The following SDK1 variants were observed in gnomAD, a reference collection of about 807,000 sequenced individuals.
SDK1 encodes the protein sidekick cell adhesion molecule 1.
In SDK1, 157 loss-of-function variants were observed where a neutral mutation model predicts 245.5. That is an observed-to-expected ratio of 0.64 (90% confidence interval 0.56 to 0.73). SDK1 has a LOEUF of 0.73. Ranked by LOEUF, SDK1 falls within the 30% of genes least tolerant of loss-of-function variation. The pLI is 0.00. For synonymous variants in SDK1, 1,647 were observed against 1,278.5 expected (o/e 1.29, Z -6.15); for missense variants, 3,583 against 3,002.3 (o/e 1.19, Z -4.52).
At chr7:4,094,502 C>T (rs1344367545) in intron 22 of SDK1, among the ~76,000 whole-genome samples, 4 of 152,180 alleles carry the variant, frequency 2.6e-5, no homozygotes, top group Admixed American at 2.6e-4. Flanking sequence ...GTGCTAGGCA[C>T]AGGGGCCTCT....
At chr7:3,795,774 C>T (rs776568635) in intron 4 of SDK1, among the ~76,000 whole-genome samples, 14 of 152,092 alleles carry the variant, frequency 9.2e-5, no homozygotes, top group African/African-American at 1.4e-4. Context: ...TACAGTTATA[C>T]GATAAAGTCA....
rs114353900 is a variant in SDK1, at chr7:3,395,194, T to G, written c.298+93310T>G. Among the ~76,000 whole-genome samples the G allele has an allele frequency of 4.2e-3, 639 of 152,150 alleles. 9 individuals carry two copies. The highest frequency in any genetic ancestry group is 0.014 in the African/African-American group (591 of 41,558). ...GAGACTTTTTATCTTGAATGCACATTGGATTTTGTCAAATGTTTTCTCTGT... is the reference window on the plus strand; with the variant it reads ...GAGACTTTTTATCTTGAATGCACATGGGATTTTGTCAAATGTTTTCTCTGT... On this transcript the variant is annotated intron_variant, in intron 1 of 44. Transcript: ENST00000404826.
At chr7:4,242,128 C>G (rs1583159786) in intron 43 of SDK1, among the ~76,000 whole-genome samples, 1 of 152,206 alleles carries the variant, frequency 6.6e-6, no homozygotes, top group Non-Finnish European at 1.5e-5. Context: ...TTCAGGACAT[C>G]TCCGGAGATT....
At chr7:3,416,463 C>CT (rs5881982) in intron 1 of SDK1, among the ~76,000 whole-genome samples, 2,010 of 132,346 alleles carry the variant, frequency 0.015, 37 homozygotes, top group East Asian at 0.063. Flanking sequence ...GGCTTTCGTT[C>CT]TTTTTTTTTT....
chr7:3,641,449 T>C (rs1303698323), intron 3 of SDK1, among the ~76,000 whole-genome samples: 1 of 152,108 alleles, frequency 6.6e-6, no homozygotes, highest in Non-Finnish European at 1.5e-5. Flanking sequence ...GAATAGTATA[T>C]AGACTCTTCA....
chr7:3,912,078 C>G (rs1025350785), intron 5 of SDK1, among the ~76,000 whole-genome samples: 1 of 152,164 alleles, frequency 6.6e-6, no homozygotes, highest in South Asian at 2.1e-4. Context: ...CCAAGGAAGT[C>G]TGGGAAACAA....
chr7:4,106,267 G>A (rs1378563307), intron 22 of SDK1, among the ~76,000 whole-genome samples: 3 of 151,970 alleles, frequency 2.0e-5, no homozygotes, highest in African/African-American at 7.2e-5. Context: ...GTGAAGTGGA[G>A]ATCAGCCGCC....
At chr7:4,235,532 A>T (rs879331537) in intron 41 of SDK1, among the ~76,000 whole-genome samples, 10 of 152,316 alleles carry the variant, frequency 6.6e-5, no homozygotes, top group Admixed American at 2.0e-4. Flanking sequence ...AATTTTAATT[A>T]TGAATATTTT....
chr7:3,691,720 A>G (rs1276894150), intron 4 of SDK1, among the ~76,000 whole-genome samples: 1 of 152,184 alleles, frequency 6.6e-6, no homozygotes, highest in East Asian at 1.9e-4. Context: ...GTCTAGTTTC[A>G]GGTGTGAATG....
chr7:4,245,133 G>T (rs1308586194), intron 43 of SDK1, among the ~76,000 whole-genome samples: 13 of 152,166 alleles, frequency 8.5e-5, no homozygotes, highest in East Asian at 3.9e-4. Flanking sequence ...TGATGGGGGT[G>T]GGGGCAGTGA....
chr7:3,346,135 G>T (rs1291852017), intron 1 of SDK1, among the ~76,000 whole-genome samples: 1 of 152,128 alleles, frequency 6.6e-6, no homozygotes, highest in African/African-American at 2.4e-5. Context: ...AATCTTTCAG[G>T]GAGGTTCCTA....
chr7:4,153,236 CTT>C (rs60694957), intron 30 of SDK1, among the ~76,000 whole-genome samples: 23,279 of 143,504 alleles, frequency 0.16, 1,906 homozygotes, highest in African/African-American at 0.19. Context: ...TGACTGATTT[CTT>C]TTTTTTTTTT....
chr7:3,340,346 C>T (rs760151943), intron 1 of SDK1, among the ~76,000 whole-genome samples: 1 of 152,084 alleles, frequency 6.6e-6, no homozygotes, highest in African/African-American at 2.4e-5. Context: ...TAAAAATACA[C>T]ACAGTAATTG....
rs181925121 is a variant in SDK1 at position 3,913,169 on chromosome 7, C to T, written c.848-37754C>T. ...CCCTGCCATGAAGCCTTCAGGGCATCGGTATGGAAATGCCTCCAGCTCCTG... is the reference window on the plus strand; with the variant it reads ...CCCTGCCATGAAGCCTTCAGGGCATTGGTATGGAAATGCCTCCAGCTCCTG... On this transcript the variant is annotated intron_variant, in intron 5 of 44. Coordinates refer to ENST00000404826, the MANE Select transcript of SDK1 (RefSeq NM_152744.4). Among the ~76,000 whole-genome samples the T allele has an allele frequency of 6.7e-3, 1,015 of 152,248 alleles. 7 individuals are homozygous for T. The highest frequency in any genetic ancestry group is 0.011 in the Non-Finnish European group (739 of 68,008).
In SDK1 at chr7:4,132,336, C is replaced by A; in HGVS notation, c.4141C>A (p.Pro1381Thr). 6.2e-7 allele frequency: 1 copy of A among 1,611,632 alleles called. No homozygotes were observed. Among genetic ancestry groups the A allele is most frequent in the Non-Finnish European group, 8.5e-7 (1 of 1,178,270 alleles). ...GTTTTTCCCTTCAGCCCCAGGCCCA[C>A]CAGTGAGGCTCGTGTTCCCCGAAGT... ...ERTKDDAPGP[P>T]VRLVFPEVRL... Residue 1381 changes from proline to threonine, a missense_variant, in exon 28 of 45, where the codon CCA becomes ACA. Physicochemically the swap from Pro to Thr is conservative, Grantham distance 38. Coordinates refer to ENST00000404826, the MANE Select transcript of SDK1 (RefSeq NM_152744.4).
intron 5 of SDK1, among the ~76,000 whole-genome samples, chr7:3,822,575 G>A (rs1779672212): frequency 6.6e-6 from 1 of 151,984 alleles, no homozygotes; most frequent in Admixed American, 6.6e-5. Flanking sequence ...TTCGAGACCA[G>A]CCTGGTCAAC....
chr7:4,187,672 A>G (rs536494229), intron 35 of SDK1, among the ~76,000 whole-genome samples: 4 of 152,372 alleles, frequency 2.6e-5, no homozygotes, highest in African/African-American at 9.6e-5. Flanking sequence ...AAATGTTAGA[A>G]GAGTTTATTC....
rs905712806 is a variant in SDK1 at position 3,871,108 on chromosome 7, C to A, written c.847+49525C>A. Among the ~76,000 whole-genome samples, 3 of 151,834 alleles carry A rather than the reference C, an allele frequency of 2.0e-5. 1 individual carries two copies. Among genetic ancestry groups the A allele is most frequent in the Non-Finnish European group, 2.9e-5 (2 of 67,978 alleles). ...ATTTTGTAGTGTTTAGCAGATAGATCCTGCACATATGTCAATAGATTTATA... is the reference window on the plus strand; with the variant it reads ...ATTTTGTAGTGTTTAGCAGATAGATACTGCACATATGTCAATAGATTTATA... On this transcript the variant is annotated intron_variant, in intron 5 of 44. Coordinates refer to ENST00000404826, the MANE Select transcript of SDK1 (RefSeq NM_152744.4).
At chr7:3,690,885 C>T (rs909091607) in intron 4 of SDK1, among the ~76,000 whole-genome samples, 2 of 152,156 alleles carry the variant, frequency 1.3e-5, no homozygotes, top group African/African-American at 2.4e-5. Flanking sequence ...CAAAACACTT[C>T]AGAAATAAAA....
Sources: allele counts gnomAD v4.1 joint callset (sites outside exome capture counted in the v4.1 genomes callset), GRCh38; gene constraint gnomAD v4.1.1; transcripts MANE v1.5; gene names NCBI Gene and HGNC (gene_info 2026-07-23, HGNC 2026-07-21).